TENT4A: variants seen among roughly 807,000 people sequenced by gnomAD.
TENT4A encodes the protein DNA polymerase kappa.
In TENT4A, 7 loss-of-function variants were observed where a neutral mutation model predicts 72.8. That is an observed-to-expected ratio of 0.10 (90% confidence interval 0.05 to 0.18). The LOEUF is 0.18. TENT4A is among the 10% of genes least tolerant of loss of function. The pLI, the probability that TENT4A is intolerant of heterozygous loss-of-function variation, is 1.00. For missense variants in TENT4A, 831 were observed against 1,017.7 expected (o/e 0.82, Z 2.50); for synonymous variants, 456 against 434.3 (o/e 1.05, Z -0.62).
At chr5:6,754,659 A>G (rs1285539694) in intron 12 of TENT4A, 92 bp from the exon 13 acceptor site, 1 of 980,972 alleles carries the variant, frequency 1.0e-6, no homozygotes, top group Admixed American at 2.9e-5. Context: ...TCTATGTAAC[A>G]TCACGTCGGT....
chr5:6,725,270 G>A (rs1208548918), intron 1 of TENT4A, among the ~76,000 whole-genome samples: 2 of 151,744 alleles, frequency 1.3e-5, no homozygotes, highest in South Asian at 2.1e-4. Context: ...GCAGTGAGCC[G>A]AGATCACACT....
chr5:6,720,415 C>T (rs779484854), intron 1 of TENT4A, among the ~76,000 whole-genome samples: 2 of 152,224 alleles, frequency 1.3e-5, no homozygotes, highest in Non-Finnish European at 2.9e-5. Context: ...TCCAGCCCAT[C>T]GCAATGACTC....
At chr5:6,739,423 C>A (rs1741685820) in intron 3 of TENT4A, among the ~76,000 whole-genome samples, 1 of 152,220 alleles carries the variant, frequency 6.6e-6, no homozygotes. Flanking sequence ...AGAGCGGGGC[C>A]TCAGCCTGGT....
At chr5:6,740,933 A>T (rs1222514888) in intron 4 of TENT4A, among the ~76,000 whole-genome samples, 1 of 151,676 alleles carries the variant, frequency 6.6e-6, no homozygotes, top group East Asian at 1.9e-4. Flanking sequence ...GAGGAAACTG[A>T]GATGCGGAGA....
rs531779043 is a variant in TENT4A at position 6,731,800 on chromosome 5, A to G, written c.717-5710A>G. Among the ~76,000 whole-genome samples, 474 of 152,240 alleles carry G rather than the reference A, an allele frequency of 3.1e-3. 1 individual carries two copies. The highest frequency in any genetic ancestry group is 0.011 in the African/African-American group (452 of 41,526). ...ATCCAGTGAAATCTGACCTTTGACCATCACTTTGCTTAAAAGAAGCTACTG... is the reference window on the plus strand; with the variant it reads ...ATCCAGTGAAATCTGACCTTTGACCGTCACTTTGCTTAAAAGAAGCTACTG... On this transcript the variant is annotated intron_variant, in intron 1 of 12. Transcript: ENST00000230859.
At chr5:6,747,765 C>T (rs1416872575) in intron 7 of TENT4A, among the ~76,000 whole-genome samples, 2 of 152,182 alleles carry the variant, frequency 1.3e-5, no homozygotes, top group African/African-American at 2.4e-5. Flanking sequence ...AACATATATC[C>T]TTTAAAAGAA....
intron 11 of TENT4A, 28 bp from the exon 12 acceptor site, chr5:6,752,845 C>T: frequency 1.2e-6 from 2 of 1,603,048 alleles, no homozygotes; most frequent in Non-Finnish European, 1.7e-6. Context: ...GCTTTGGTAC[C>T]CATGGCCGTC....
chr5:6,719,925 C>T (rs368916342), intron 1 of TENT4A, among the ~76,000 whole-genome samples: 1 of 152,136 alleles, frequency 6.6e-6, no homozygotes, highest in Non-Finnish European at 1.5e-5. Context: ...TTTTGCAAGG[C>T]TGAAGTCAAG....
At chr5:6,739,901 T>C in intron 4 of TENT4A, 49 bp downstream of exon 4, 1 of 1,589,590 alleles carries the variant, frequency 6.3e-7, no homozygotes, top group Non-Finnish European at 8.6e-7. Flanking sequence ...CCTTGTCACA[T>C]CCCAGGTGGT....
intron 6 of TENT4A, chr5:6,745,914 C>A: frequency 1.5e-6 from 1 of 689,460 alleles, no homozygotes; most frequent in Non-Finnish European, 2.1e-6. Context: ...AGAATATAGT[C>A]CAACTTATTT....
At chr5:6,730,315 G>C (rs1207448912) in intron 1 of TENT4A, among the ~76,000 whole-genome samples, 1 of 152,166 alleles carries the variant, frequency 6.6e-6, no homozygotes, top group Non-Finnish European at 1.5e-5. Flanking sequence ...GGGAAAAAAG[G>C]CTTACATTTG....
At chr5:6,750,845 T>C in intron 10 of TENT4A, 194 bp from the exon 11 acceptor site, 2 of 600,216 alleles carry the variant, frequency 3.3e-6, no homozygotes, top group Non-Finnish European at 5.9e-6. Flanking sequence ...TCCTTTAACA[T>C]TCTTTTTCAG....
At chr5:6,720,135 G>T (rs1019059063) in intron 1 of TENT4A, among the ~76,000 whole-genome samples, 12 of 152,172 alleles carry the variant, frequency 7.9e-5, no homozygotes, top group Admixed American at 7.2e-4. Flanking sequence ...GAATTTCTCT[G>T]ATGTTTTCCG....
At chr5:6,722,966 GAATTTT>G (rs1740734185) in intron 1 of TENT4A, among the ~76,000 whole-genome samples, 1 of 152,192 alleles carries the variant, frequency 6.6e-6, no homozygotes, top group Non-Finnish European at 1.5e-5. Flanking sequence ...CTGAGGAGCT[GAATTTT>G]AATTTTATTT....
chr5:6,753,724 C>G (rs1472858443), intron 12 of TENT4A, among the ~76,000 whole-genome samples: 1 of 152,236 alleles, frequency 6.6e-6, no homozygotes, highest in African/African-American at 2.4e-5. Flanking sequence ...TATTCCGCTC[C>G]TCCTTTGCTT....
intron 7 of TENT4A, among the ~76,000 whole-genome samples, chr5:6,746,631 AC>A (rs1221848166): frequency 1.3e-5 from 2 of 152,376 alleles, no homozygotes; most frequent in East Asian, 3.8e-4. Flanking sequence ...CTAACTGTTT[AC>A]ATTCTATAAT....
chr5:6,723,576 A>AT, intron 1 of TENT4A, among the ~76,000 whole-genome samples: 1 of 152,356 alleles, frequency 6.6e-6, no homozygotes, highest in South Asian at 2.1e-4. Flanking sequence ...CACGGCTGAC[A>AT]TCTGGGCACT....
intron 11 of TENT4A, among the ~76,000 whole-genome samples, chr5:6,752,563 G>A (rs1231130826): frequency 6.6e-6 from 1 of 152,206 alleles, no homozygotes; most frequent in Admixed American, 6.5e-5. Context: ...GTGAGTAGGG[G>A]GTTCACCACG....
At position 6,742,530 on chromosome 5, in the gene TENT4A, A is replaced by G; in HGVS notation, c.1049A>G (p.Lys350Arg). Residue 350 changes from lysine to arginine, a missense_variant, in exon 5 of 13, where the codon AAA becomes AGA. This residue lies in a region of TENT4A where 197 missense variants were observed against 399.6 expected (regional missense o/e 0.49). Transcript: ENST00000230859. ...CTCACAGATCAGGAGACTGAAGTGA[A>G]AGTTGACATCAGCTTTAACATGGAG... ...IKLTDQETEV[K>R]VDISFNMETG... 1 of 1,613,572 alleles carries G rather than the reference A, an allele frequency of 6.2e-7. No individual in the cohort carries two copies. The highest frequency in any genetic ancestry group is 8.5e-7 in the Non-Finnish European group (1 of 1,179,438).
Sources: gnomAD v4.1 joint callset for allele counts (sites outside exome capture counted in the v4.1 genomes callset) on GRCh38, gnomAD v4.1.1 for gene constraint, gnomAD v4.1.1 regional missense constraint, MANE v1.5 for transcripts, NCBI Gene and HGNC (gene_info 2026-07-23, HGNC 2026-07-21) for gene names.